CLVS1: variants seen among roughly 807,000 people sequenced by gnomAD.
The protein encoded by CLVS1 is clavesin 1, also known as clavesin-1.
A neutral mutation model predicts 33.1 loss-of-function variants in CLVS1; 10 were observed. The observed-to-expected ratio is 0.30, with a 90% CI of 0.19 to 0.51. The LOEUF (loss-of-function observed/expected upper bound fraction) is 0.51. Ranked by LOEUF, CLVS1 falls within the 20% of genes least tolerant of loss-of-function variation. The pLI, the probability that CLVS1 is intolerant of heterozygous loss-of-function variation, is 0.97. For missense variants in CLVS1, 343 were observed against 433.4 expected (o/e 0.79, Z 1.85); for synonymous variants, 163 against 166.1 (o/e 0.98, Z 0.14).
chr8:61,484,707 C>T (rs1803803532), intron 5 of CLVS1, among the ~76,000 whole-genome samples: 1 of 152,288 alleles, frequency 6.6e-6, no homozygotes, highest in Non-Finnish European at 1.5e-5. Context: ...TACAAGGCTA[C>T]AGTAACCAAA....
the CLVS1 span, among the ~76,000 whole-genome samples, chr8:61,041,191 A>G: frequency 2.0e-5 from 3 of 152,008 alleles, no homozygotes; most frequent in African/African-American, 7.2e-5. Flanking sequence ...ATTGGTCTAT[A>G]TGTCTGTTTT....
chr8:61,232,034 T>TGTTTGTTTG (rs1259004204), intron 2 of CLVS1, among the ~76,000 whole-genome samples: 8 of 133,080 alleles, frequency 6.0e-5, no homozygotes, highest in South Asian at 2.6e-4. Context: ...TTTTTTTTTT[T>TGTTTGTTTG]TTTTTTTTTT....
chr8:61,413,610 T>G (rs539527980), intron 3 of CLVS1, among the ~76,000 whole-genome samples: 26 of 152,298 alleles, frequency 1.7e-4, no homozygotes, highest in African/African-American at 5.8e-4. Flanking sequence ...TTATATAGTA[T>G]TTTCCCTTAA....
At chr8:61,201,994 G>C (rs1035265712) in intron 2 of CLVS1, among the ~76,000 whole-genome samples, 1 of 152,164 alleles carries the variant, frequency 6.6e-6, no homozygotes, top group Non-Finnish European at 1.5e-5. Flanking sequence ...CTAACATTCT[G>C]TATTTGACCC....
At chr8:61,455,013 T>C (rs1817094934) in intron 4 of CLVS1, among the ~76,000 whole-genome samples, 1 of 152,188 alleles carries the variant, frequency 6.6e-6, no homozygotes, top group South Asian at 2.1e-4. Context: ...ATCTTTACCA[T>C]TTAGCTCTCT....
intron 2 of CLVS1, among the ~76,000 whole-genome samples, chr8:61,144,501 A>G (rs551424188): frequency 6.6e-6 from 1 of 152,264 alleles, no homozygotes; most frequent in African/African-American, 2.4e-5. Context: ...CTTTGTGAAT[A>G]GTGCTGCAAT....
chr8:61,449,454 C>T (rs984817282), intron 3 of CLVS1, among the ~76,000 whole-genome samples: 3 of 152,170 alleles, frequency 2.0e-5, no homozygotes, highest in South Asian at 2.1e-4. Context: ...TATAACATTA[C>T]TCTGGCAGGG....
chr8:61,134,244 G>A (rs1481026037), intron 2 of CLVS1, among the ~76,000 whole-genome samples: 1 of 152,194 alleles, frequency 6.6e-6, no homozygotes, highest in Non-Finnish European at 1.5e-5. Flanking sequence ...TACAGAGGAT[G>A]AGATGGAAGA....
At chr8:61,349,865 G>GT (rs1210474857) in intron 2 of CLVS1, among the ~76,000 whole-genome samples, 1 of 152,090 alleles carries the variant, frequency 6.6e-6, no homozygotes, top group Non-Finnish European at 1.5e-5. Context: ...CAAACACAGT[G>GT]TAAGTGTGCA....
At chr8:61,141,771 AT>A (rs1462542409) in intron 2 of CLVS1, among the ~76,000 whole-genome samples, 1 of 152,150 alleles carries the variant, frequency 6.6e-6, no homozygotes, top group Admixed American at 6.5e-5. Flanking sequence ...TATGTCTGAT[AT>A]TTGCCTCCAC....
intron 2 of CLVS1, among the ~76,000 whole-genome samples, chr8:61,308,107 G>C (rs2129595243): frequency 6.6e-6 from 1 of 152,292 alleles, no homozygotes; most frequent in South Asian, 2.1e-4. Context: ...TTATAGTACA[G>C]TACATAATAC....
At chr8:61,329,838 G>A (rs889929647) in intron 2 of CLVS1, among the ~76,000 whole-genome samples, 3 of 152,080 alleles carry the variant, frequency 2.0e-5, no homozygotes, top group Admixed American at 2.0e-4. Flanking sequence ...CATCCCTTCA[G>A]TTAGTAATTG....
At chr8:61,070,259 T>C (rs550438353) in intron 1 of CLVS1, among the ~76,000 whole-genome samples, 186 of 152,352 alleles carry the variant, frequency 1.2e-3, no homozygotes, top group Non-Finnish European at 2.2e-3. Flanking sequence ...GCGTCTCTCA[T>C]ATCACATGCA....
At chr8:61,101,064 G>A (rs187014945) in intron 1 of CLVS1, among the ~76,000 whole-genome samples, 13 of 152,194 alleles carry the variant, frequency 8.5e-5, no homozygotes, top group African/African-American at 2.9e-4. Flanking sequence ...ATGTACAAAT[G>A]TTTCATCGTT....
chr8:61,287,900 G>A, upstream of CLVS1: 1 of 348,550 alleles, frequency 2.9e-6, no homozygotes, highest in Non-Finnish European at 5.7e-6. Context: ...GGAGGGTTGT[G>A]GTACGGAGGC....
intron 3 of CLVS1, among the ~76,000 whole-genome samples, chr8:61,400,665 G>A (rs1213922968): frequency 6.6e-6 from 1 of 152,068 alleles, no homozygotes; most frequent in African/African-American, 2.4e-5. Context: ...TACTGGCTGT[G>A]GCTTTTTCAT....
intron 1 of CLVS1, among the ~76,000 whole-genome samples, chr8:61,123,234 A>C (rs1805909524): frequency 6.9e-6 from 1 of 144,886 alleles, no homozygotes; most frequent in South Asian, 2.2e-4. Context: ...GCACCATTGC[A>C]CTCCAGCCTG....
intron 2 of CLVS1, among the ~76,000 whole-genome samples, chr8:61,149,571 A>AAAAAAC (rs1252529979): frequency 6.7e-6 from 1 of 149,860 alleles, no homozygotes; most frequent in African/African-American, 2.5e-5. Flanking sequence ...AAAAAAAACA[A>AAAAAAC]AAAACAAAAC....
chr8:61,026,306 T>C, the CLVS1 span, among the ~76,000 whole-genome samples: 1 of 152,082 alleles, frequency 6.6e-6, no homozygotes, highest in East Asian at 1.9e-4. Flanking sequence ...TCTCTCACAG[T>C]TCTCAAGAGG....
Sources: allele counts gnomAD v4.1 joint callset (sites outside exome capture counted in the v4.1 genomes callset), GRCh38; gene constraint gnomAD v4.1.1; transcripts MANE v1.5; gene names NCBI Gene and HGNC (gene_info 2026-07-23, HGNC 2026-07-21).